The following PTPN11 variants were observed in gnomAD, a reference collection of about 807,000 sequenced individuals.
PTPN11 encodes protein tyrosine phosphatase non-receptor type 11.
Under a neutral mutation model 78.8 loss-of-function variants are expected in PTPN11, and 6 were observed. That is an observed-to-expected ratio of 0.08 (90% confidence interval 0.04 to 0.15). The LOEUF (loss-of-function observed/expected upper bound fraction) is 0.15, where lower values mean the gene tolerates loss of function less well. Among genes scored for constraint, PTPN11 ranks in the 10% least tolerant of loss-of-function variants. The pLI is 1.00. For synonymous variants in PTPN11, 221 were observed against 263.5 expected, an observed-to-expected ratio of 0.84 and a Z score of 1.56; for missense variants, 386 against 744.8, an observed-to-expected ratio of 0.52 and a Z score of 5.61.
At chr12:112,486,258 A>G (rs540265011) in intron 10 of PTPN11, among the ~76,000 whole-genome samples, 1 of 152,270 alleles carries the variant, frequency 6.6e-6, no homozygotes, top group African/African-American at 2.4e-5. Flanking sequence ...ACAAATTGCC[A>G]TGCCAGACGT....
chr12:112,445,281 A>G (rs2037975213), intron 1 of PTPN11, among the ~76,000 whole-genome samples: 1 of 151,766 alleles, frequency 6.6e-6, no homozygotes, highest in Non-Finnish European at 1.5e-5. Flanking sequence ...ACAGGTGTCC[A>G]CCACCACGCC....
chr12:112,452,460 A>AG (rs758991846), intron 3 of PTPN11, among the ~76,000 whole-genome samples: 6 of 152,146 alleles, frequency 3.9e-5, no homozygotes, highest in Non-Finnish European at 7.3e-5. Flanking sequence ...TCTTGACCTC[A>AG]GGTGATCCAC....
chr12:112,455,871 G>GTT (rs140552217), intron 5 of PTPN11, 79 bp from the exon 6 acceptor site: 923 of 680,696 alleles, frequency 1.4e-3, no homozygotes, highest in South Asian at 2.0e-3. Flanking sequence ...ACATAGACAT[G>GTT]TTTTTTTTTT....
chr12:112,473,769 C>T (rs1158674136), intron 7 of PTPN11, among the ~76,000 whole-genome samples: 1 of 151,600 alleles, frequency 6.6e-6, no homozygotes, highest in Non-Finnish European at 1.5e-5. Context: ...TTGGTTGAAC[C>T]CAGGAGATGG....
chr12:112,445,948 A>G (rs1466304911), intron 1 of PTPN11, among the ~76,000 whole-genome samples: 2 of 151,758 alleles, frequency 1.3e-5, no homozygotes, highest in Non-Finnish European at 2.9e-5. Flanking sequence ...CCTCTAGTTT[A>G]TTTATTTTTA....
intron 13 of PTPN11, among the ~76,000 whole-genome samples, chr12:112,496,365 T>A (rs2038814774): frequency 6.6e-6 from 1 of 152,174 alleles, no homozygotes; most frequent in African/African-American, 2.4e-5. Context: ...TTTTCTATGG[T>A]GCCCTGGTTC....
rs2135863088 is a variant in PTPN11 at position 112,450,505 on chromosome 12, T to C, written c.325T>C (p.Ser109Pro). 6.2e-7 allele frequency: 1 copy of C among 1,613,904 alleles called. No homozygotes were observed. The highest frequency in any genetic ancestry group is 8.5e-7 in the Non-Finnish European group (1 of 1,179,794). ...TCCTCTGAACTGTGCAGATCCTACCTCTGAAAGGTCAGTAACATTTTAGTG... is the reference window on the plus strand; with the variant it reads ...TCCTCTGAACTGTGCAGATCCTACCCCTGAAAGGTCAGTAACATTTTAGTG... ...KYPLNCADPT[S>P]ERWFHGHLSG... The change falls in exon 3 of 16, where the codon TCT becomes CCT. Residue 109 changes from serine (S) to proline (P), a missense_variant. Physicochemically the swap from Ser to Pro is moderately conservative, Grantham distance 74. Coordinates refer to ENST00000351677, the MANE Select transcript of PTPN11 (RefSeq NM_002834.5).
chr12:112,501,183 C>A (rs1489672447), intron 13 of PTPN11, among the ~76,000 whole-genome samples: 1 of 152,172 alleles, frequency 6.6e-6, no homozygotes, highest in Non-Finnish European at 1.5e-5. Flanking sequence ...TTTCCAGGTG[C>A]CTATAGGAGT....
At chr12:112,441,351 T>C (rs1728863274) in intron 1 of PTPN11, among the ~76,000 whole-genome samples, 3 of 151,870 alleles carry the variant, frequency 2.0e-5, no homozygotes, top group Admixed American at 6.6e-5. Flanking sequence ...ATTCTCTGCC[T>C]CCCAGACTCA....
chr12:112,488,553 G>C, intron 12 of PTPN11, 43 bp downstream of exon 12: 1 of 1,542,226 alleles, frequency 6.5e-7, no homozygotes. Flanking sequence ...TCTGTTTTTA[G>C]TTTATGGAAG....
At chr12:112,502,640 A>T (rs912989105) in intron 14 of PTPN11, among the ~76,000 whole-genome samples, 3 of 152,116 alleles carry the variant, frequency 2.0e-5, no homozygotes, top group African/African-American at 7.2e-5. Context: ...CCAGCTACTC[A>T]GGAGGCTGAG....
At chr12:112,485,906 G>C (rs757475085) in intron 10 of PTPN11, among the ~76,000 whole-genome samples, 2 of 151,822 alleles carry the variant, frequency 1.3e-5, no homozygotes, top group Non-Finnish European at 2.9e-5. Context: ...GCTTGAACCC[G>C]GGAGGCAGAG....
intron 1 of PTPN11, among the ~76,000 whole-genome samples, chr12:112,427,816 A>G (rs1447457489): frequency 6.6e-6 from 1 of 151,872 alleles, no homozygotes; most frequent in African/African-American, 2.4e-5. Context: ...CAGTGATGCA[A>G]TCATAGCTCA....
chr12:112,466,817 A>G (rs1321324159), intron 6 of PTPN11, among the ~76,000 whole-genome samples: 3 of 152,212 alleles, frequency 2.0e-5, no homozygotes, highest in Non-Finnish European at 4.4e-5. Flanking sequence ...TCTGTTGCTC[A>G]GAGCAGTGCA....
intron 1 of PTPN11, among the ~76,000 whole-genome samples, chr12:112,442,090 T>G (rs925909291): frequency 1.3e-4 from 20 of 152,218 alleles, no homozygotes; most frequent in Non-Finnish European, 2.4e-4. Context: ...AATATCTTTT[T>G]GCTGGTAACT....
chr12:112,446,375 T>G lies in PTPN11; in HGVS notation c.114T>G (p.Pro38=), dbSNP rs758209360. The part of the protein sequence containing the change: ...SFLARPSKSN[P]GDFTLSVRRN... ...TGGCAAGGCCTAGTAAAAGTAACCC[T>G]GGAGACTTCACACTTTCCGTTAGGT... Residue 38 remains proline (P), a synonymous_variant, in exon 2 of 16, where the codon CCT becomes CCG. Coordinates refer to ENST00000351677, the MANE Select transcript of PTPN11 (RefSeq NM_002834.5). 1 of 1,614,132 alleles carries G rather than the reference T, an allele frequency of 6.2e-7. No individual in the cohort carries two copies. The highest frequency in any genetic ancestry group is 1.7e-5 in the Admixed American group (1 of 59,988).
chr12:112,509,657 T>C lies in PTPN11; in HGVS notation c.*3865T>C, dbSNP rs1198398562. 2 of 152,560 alleles carry C rather than the reference T, an allele frequency of 1.3e-5. No homozygotes were observed. The highest frequency in any genetic ancestry group is 4.8e-5 in the African/African-American group (2 of 41,468). 9.5% of individuals were successfully genotyped at this position (152,560 alleles called of 1,614,324 possible). A position where few individuals can be genotyped will look rare whatever the true frequency, so the allele number is the denominator to read the frequency against. ...AATATGCTGTTTATTATACATTTAG[T>C]GTTTCAAGAGATTCACTTAATTGCC... On this transcript the variant is annotated 3_prime_UTR_variant, in exon 16 of 16. Transcript: ENST00000351677.
intron 1 of PTPN11, among the ~76,000 whole-genome samples, chr12:112,421,124 C>T (rs1044016922): frequency 2.6e-5 from 4 of 152,124 alleles, no homozygotes; most frequent in Non-Finnish European, 5.9e-5. Context: ...TTCCTTCTCC[C>T]CTCCAGCCCT....
At chr12:112,427,541 G>A (rs2037638774) in intron 1 of PTPN11, among the ~76,000 whole-genome samples, 2 of 149,582 alleles carry the variant, frequency 1.3e-5, no homozygotes, top group Admixed American at 1.3e-4. Context: ...GCGAGACTCT[G>A]TCTCAAAAAA....
Sources: gnomAD v4.1 joint callset for allele counts (sites outside exome capture counted in the v4.1 genomes callset) on GRCh38, gnomAD v4.1.1 for gene constraint, MANE v1.5 for transcripts, NCBI Gene and HGNC (gene_info 2026-07-23, HGNC 2026-07-21) for gene names.